MDGA2: variants seen among roughly 807,000 people sequenced by gnomAD.
MDGA2 encodes MAM domain-containing glycosylphosphatidylinositol anchor protein 2.
MDGA2 carries 40 observed loss-of-function variants against 117.8 expected under a neutral mutation model. That is an observed-to-expected ratio of 0.34 (90% CI 0.26 to 0.44). MDGA2 has a LOEUF of 0.44. MDGA2 is among the 20% of genes least tolerant of loss of function. The pLI is 1.00. For synonymous variants in MDGA2, 452 were observed against 439.0 expected, an observed-to-expected ratio of 1.03 and a Z score of -0.37; for missense variants, 1,123 against 1,250.6, an observed-to-expected ratio of 0.90 and a Z score of 1.54.
At chr14:47,195,127 G>A (rs926931319) in intron 3 of MDGA2, among the ~76,000 whole-genome samples, 3 of 151,726 alleles carry the variant, frequency 2.0e-5, no homozygotes, top group African/African-American at 7.3e-5. Flanking sequence ...TAAAACCAGT[G>A]GCATAAAAAT....
At chr14:47,019,888 T>C (rs1206491191) in intron 8 of MDGA2, among the ~76,000 whole-genome samples, 1 of 152,018 alleles carries the variant, frequency 6.6e-6, no homozygotes, top group South Asian at 2.1e-4. Context: ...TAAAACACTT[T>C]AAAACCTCAG....
chr14:47,507,557 CT>C (rs1340884051), intron 1 of MDGA2, among the ~76,000 whole-genome samples: 1 of 152,194 alleles, frequency 6.6e-6, no homozygotes, highest in Non-Finnish European at 1.5e-5. Context: ...AAACCTCTCA[CT>C]TTTAGTCCCT....
At position 47,234,481 on chromosome 14, in the gene MDGA2, A is replaced by T. The variant is rs1566694168; in HGVS notation, c.421-16286T>A. ...AAAACCTAGGATCTCAGTATTCCGA[A>T]TGCACATCTACCACTGCAGCTTCTA... On this transcript the variant is annotated intron_variant, in intron 2 of 16. Coordinates refer to ENST00000399232, the MANE Select transcript of MDGA2 (RefSeq NM_001113498.3). 4.6e-5 allele frequency among the ~76,000 whole-genome samples: 7 copies of T among 152,244 alleles called. 1 individual carries two copies. The South Asian group carries it at 1.5e-3, about 32-fold the overall frequency.
chr14:47,539,194 A>G (rs1225199156), intron 1 of MDGA2, among the ~76,000 whole-genome samples: 2 of 152,196 alleles, frequency 1.3e-5, no homozygotes, highest in Non-Finnish European at 2.9e-5. Context: ...TCTATAAACC[A>G]GGGACAGCCA....
chr14:47,477,914 C>T (rs1218003147), intron 1 of MDGA2, among the ~76,000 whole-genome samples: 1 of 152,210 alleles, frequency 6.6e-6, no homozygotes, highest in African/African-American at 2.4e-5. Flanking sequence ...AAGGTTAAGG[C>T]ACCTGTCCAT....
chr14:47,548,378 G>A (rs975969833), intron 1 of MDGA2, among the ~76,000 whole-genome samples: 5 of 151,374 alleles, frequency 3.3e-5, no homozygotes, highest in East Asian at 1.9e-4. Context: ...GGTTGAAAAC[G>A]GGACAATTTA....
intron 1 of MDGA2, among the ~76,000 whole-genome samples, chr14:47,616,105 G>GT (rs1004128259): frequency 2.0e-5 from 3 of 152,204 alleles, no homozygotes; most frequent in African/African-American, 7.2e-5. Context: ...AATAAGCACT[G>GT]TGAGTTTCAG....
At chr14:46,852,041 A>C (rs1881079230) in intron 15 of MDGA2, among the ~76,000 whole-genome samples, 1 of 151,866 alleles carries the variant, frequency 6.6e-6, no homozygotes, top group Non-Finnish European at 1.5e-5. Flanking sequence ...AATGAAATAA[A>C]GTCCTTAGCC....
chr14:46,864,572 T>A (rs1466728869), intron 14 of MDGA2, among the ~76,000 whole-genome samples: 5 of 89,420 alleles, frequency 5.6e-5, no homozygotes, highest in African/African-American at 2.1e-4. Context: ...TTTTTTTTTT[T>A]ACAAATTAAA....
At chr14:47,104,847 ACT>A (rs1273302783) in intron 5 of MDGA2, among the ~76,000 whole-genome samples, 3 of 151,144 alleles carry the variant, frequency 2.0e-5, no homozygotes, top group African/African-American at 7.3e-5. Context: ...GCCTCTTTTT[ACT>A]CTCTTCTCCA....
chr14:47,595,531 TA>T (rs1251581750), intron 1 of MDGA2, among the ~76,000 whole-genome samples: 2 of 57,034 alleles, frequency 3.5e-5, no homozygotes, highest in African/African-American at 5.5e-5. Flanking sequence ...AAACTCCTTC[TA>T]AAAAAACCAA....
intron 1 of MDGA2, among the ~76,000 whole-genome samples, chr14:47,590,100 C>T (rs566181535): frequency 5.3e-5 from 8 of 151,304 alleles, no homozygotes; most frequent in East Asian, 1.9e-4. Flanking sequence ...GTATTCCTTA[C>T]GGTTTTCTAT....
chr14:47,653,131 A>G (rs1390678768), intron 1 of MDGA2, among the ~76,000 whole-genome samples: 1 of 152,204 alleles, frequency 6.6e-6, no homozygotes, highest in Non-Finnish European at 1.5e-5. Flanking sequence ...AATCCTCACC[A>G]TAAGAACATG....
intron 1 of MDGA2, among the ~76,000 whole-genome samples, chr14:47,460,254 A>C (rs7143452): frequency 0.35 from 53,065 of 151,938 alleles, 10,031 homozygotes; most frequent in South Asian, 0.53. Flanking sequence ...AAATGATGAT[A>C]AGTCATAAGT....
chr14:47,182,835 C>A (rs567308019), intron 3 of MDGA2, among the ~76,000 whole-genome samples: 1 of 152,118 alleles, frequency 6.6e-6, no homozygotes, highest in African/African-American at 2.4e-5. Flanking sequence ...AATTAGACTG[C>A]TTTTTTGGGT....
At chr14:47,326,013 A>T (rs536423205) in intron 1 of MDGA2, among the ~76,000 whole-genome samples, 1 of 152,144 alleles carries the variant, frequency 6.6e-6, no homozygotes, top group Non-Finnish European at 1.5e-5. Flanking sequence ...TTATTTGAGC[A>T]TGTTGAGGAT....
At chr14:47,317,846 C>T (rs1230330684) in intron 1 of MDGA2, among the ~76,000 whole-genome samples, 1 of 152,046 alleles carries the variant, frequency 6.6e-6, no homozygotes, top group Non-Finnish European at 1.5e-5. Flanking sequence ...TCTTCTAGGC[C>T]CCTGTGCCCA....
intron 1 of MDGA2, among the ~76,000 whole-genome samples, chr14:47,399,049 AG>A (rs1892076277): frequency 6.6e-6 from 1 of 152,196 alleles, no homozygotes; most frequent in Admixed American, 6.5e-5. Flanking sequence ...TCATTTGATG[AG>A]CCCTCTGCCT....
At chr14:47,494,960 C>T (rs900107286) in intron 1 of MDGA2, among the ~76,000 whole-genome samples, 1 of 150,870 alleles carries the variant, frequency 6.6e-6, no homozygotes, top group Admixed American at 6.6e-5. Flanking sequence ...TATATACACA[C>T]GTCACATTTT....
Sources: allele counts gnomAD v4.1 joint callset (sites outside exome capture counted in the v4.1 genomes callset), GRCh38; gene constraint gnomAD v4.1.1; transcripts MANE v1.5; gene names NCBI Gene and HGNC (gene_info 2026-07-23, HGNC 2026-07-21).